E2F3: variants seen among roughly 807,000 people sequenced by gnomAD.
The protein encoded by E2F3 is E2F transcription factor 3.
Under a neutral mutation model 44.4 loss-of-function variants are expected in E2F3, and 11 were observed. The observed-to-expected ratio is 0.25, with a 90% CI of 0.16 to 0.41. The LOEUF (loss-of-function observed/expected upper bound fraction) is 0.41. Ranked by LOEUF, E2F3 falls within the 10% of genes least tolerant of loss-of-function variation. E2F3 has a pLI of 1.00. For missense variants in E2F3, 487 were observed against 583.6 expected (o/e 0.83, Z 1.70); for synonymous variants, 249 against 253.0 (o/e 0.98, Z 0.15).
At chr6:20,433,735 T>C (rs898438477) in intron 1 of E2F3, among the ~76,000 whole-genome samples, 1 of 151,820 alleles carries the variant, frequency 6.6e-6, no homozygotes, top group Non-Finnish European at 1.5e-5. Context: ...TGTAATCCCA[T>C]ATATATATAT....
chr6:20,414,695 CTAA>C (rs905596523), intron 1 of E2F3, among the ~76,000 whole-genome samples: 1 of 152,164 alleles, frequency 6.6e-6, no homozygotes, highest in Admixed American at 6.5e-5. Context: ...GACGATCACA[CTAA>C]TAACATAAAG....
intron 1 of E2F3, among the ~76,000 whole-genome samples, chr6:20,433,153 T>C (rs73382489): frequency 6.6e-6 from 1 of 152,152 alleles, no homozygotes; most frequent in Non-Finnish European, 1.5e-5. Context: ...TGGCAGTGGG[T>C]GGACTCGCTG....
chr6:20,442,160 G>A (rs1259656187), intron 1 of E2F3, among the ~76,000 whole-genome samples: 2 of 152,150 alleles, frequency 1.3e-5, no homozygotes, highest in African/African-American at 2.4e-5. Context: ...GGACATGCAT[G>A]CCAGCCTGTT....
intron 1 of E2F3, among the ~76,000 whole-genome samples, chr6:20,409,415 C>T (rs1759596229): frequency 6.6e-6 from 1 of 152,108 alleles, no homozygotes; most frequent in Admixed American, 6.5e-5. Context: ...GTGGTTATAT[C>T]AATTCTGTTG....
At chr6:20,419,293 T>A in intron 1 of E2F3, among the ~76,000 whole-genome samples, 1 of 152,214 alleles carries the variant, frequency 6.6e-6, no homozygotes, top group Non-Finnish European at 1.5e-5. Context: ...GTACATAAGT[T>A]TTTGTGCTTG....
At position 20,492,204 on chromosome 6, in the gene E2F3, A is replaced by G. The variant is rs901928066; in HGVS notation, c.*1774A>G. Reference sequence around the variant, plus strand: ...GAGCCCCAGCCAGTTTACTCCAGGTAGATTTCCACAATATGCAAAGTGGTG... The same window carrying G: ...GAGCCCCAGCCAGTTTACTCCAGGTGGATTTCCACAATATGCAAAGTGGTG... On this transcript the variant is annotated 3_prime_UTR_variant, in exon 7 of 7. Transcript: ENST00000346618. 4.0e-5 allele frequency: 9 copies of G among 227,656 alleles called. No homozygotes were observed. In the East Asian group the frequency reaches 5.1e-4, roughly 13 times the overall value. The allele number at this position is 227,656 out of a possible 1,614,324, so 14.1% of individuals were successfully genotyped here. A position where few individuals can be genotyped will look rare whatever the true frequency, so the allele number is the denominator to read the frequency against.
At position 20,492,269 on chromosome 6, in the gene E2F3, T is replaced by C. The variant is rs183947206; in HGVS notation, c.*1839T>C. ...GATGACACCAGCACTTTAAACTCTT[T>C]GTGTGGGTATGCGTGGGTGTATGTT... On this transcript the variant is annotated 3_prime_UTR_variant, in exon 7 of 7. Transcript: ENST00000346618. 12 of 232,112 alleles carry C rather than the reference T, an allele frequency of 5.2e-5. No individual in the cohort carries two copies. The highest frequency in any genetic ancestry group is 2.4e-4 in the African/African-American group (11 of 45,354). 14.4% of individuals were successfully genotyped at this position (232,112 alleles called of 1,614,324 possible).
intron 1 of E2F3, among the ~76,000 whole-genome samples, chr6:20,441,142 A>G (rs1171677258): frequency 3.9e-5 from 6 of 152,258 alleles, no homozygotes; most frequent in Non-Finnish European, 8.8e-5. Context: ...CAGAAAATCT[A>G]CCATTGAACA....
At chr6:20,418,898 T>C (rs2127588966) in intron 1 of E2F3, among the ~76,000 whole-genome samples, 1 of 152,144 alleles carries the variant, frequency 6.6e-6, no homozygotes, top group South Asian at 2.1e-4. Context: ...TTTTTTAAAA[T>C]AAAAAATATA....
chr6:20,424,235 G>A (rs1760129529), intron 1 of E2F3, among the ~76,000 whole-genome samples: 1 of 151,400 alleles, frequency 6.6e-6, no homozygotes, highest in African/African-American at 2.4e-5. Context: ...GTGTGTGTGT[G>A]TGTGTGTGTG....
chr6:20,438,908 T>C (rs1168190040), intron 1 of E2F3, among the ~76,000 whole-genome samples: 1 of 152,194 alleles, frequency 6.6e-6, no homozygotes, highest in East Asian at 1.9e-4. Context: ...AAAAACTAAC[T>C]GCATGTTAGA....
chr6:20,413,447 G>A (rs1451342170), intron 1 of E2F3, among the ~76,000 whole-genome samples: 1 of 152,214 alleles, frequency 6.6e-6, no homozygotes, highest in Admixed American at 6.5e-5. Flanking sequence ...AAAGACCCCA[G>A]GGCCCCAAGC....
intron 1 of E2F3, among the ~76,000 whole-genome samples, chr6:20,446,146 T>C (rs74715848): frequency 1.7e-4 from 26 of 152,160 alleles, no homozygotes; most frequent in South Asian, 2.1e-4. Flanking sequence ...CTTTTTTTTT[T>C]CCTCATTAAT....
chr6:20,414,838 C>T (rs1254328857), intron 1 of E2F3, among the ~76,000 whole-genome samples: 4 of 152,128 alleles, frequency 2.6e-5, no homozygotes, highest in East Asian at 3.8e-4. Context: ...GTATGGAAGG[C>T]GTGTGGACTT....
At chr6:20,489,196 A>G (rs1762486684) in intron 6 of E2F3, among the ~76,000 whole-genome samples, 1 of 152,230 alleles carries the variant, frequency 6.6e-6, no homozygotes, top group South Asian at 2.1e-4. Context: ...GCAAAAGTAC[A>G]TCACCTGAAA....
intron 1 of E2F3, among the ~76,000 whole-genome samples, chr6:20,412,294 C>A (rs768308358): frequency 6.6e-6 from 1 of 151,986 alleles, no homozygotes; most frequent in Non-Finnish European, 1.5e-5. Context: ...TCTCCCAGGG[C>A]GCTTTTTAAA....
At chr6:20,413,073 A>C (rs1759727098) in intron 1 of E2F3, among the ~76,000 whole-genome samples, 1 of 152,202 alleles carries the variant, frequency 6.6e-6, no homozygotes, top group Non-Finnish European at 1.5e-5. Flanking sequence ...CCCCATTAAT[A>C]AGTGGGGCAA....
chr6:20,433,806 T>G, intron 1 of E2F3, among the ~76,000 whole-genome samples: 1 of 152,134 alleles, frequency 6.6e-6, no homozygotes, highest in East Asian at 1.9e-4. Context: ...ATAGACTTCA[T>G]CAGGAGGCCA....
At chr6:20,468,078 C>T (rs947931874) in intron 1 of E2F3, among the ~76,000 whole-genome samples, 4 of 152,218 alleles carry the variant, frequency 2.6e-5, no homozygotes, top group Non-Finnish European at 5.9e-5. Flanking sequence ...TCGCATATTA[C>T]AGTTGTGACA....
Sources: allele counts gnomAD v4.1 joint callset (sites outside exome capture counted in the v4.1 genomes callset), GRCh38; gene constraint gnomAD v4.1.1; transcripts MANE v1.5; gene names NCBI Gene and HGNC (gene_info 2026-07-23, HGNC 2026-07-21).